Variants in UTRN observed in about 807,000 individuals in gnomAD.
UTRN encodes the protein dystrophin-related protein 1.
A neutral mutation model predicts 463.9 loss-of-function variants in UTRN; 283 were observed. That is an observed-to-expected ratio of 0.61 (90% CI 0.55 to 0.67). The LOEUF is 0.67. Ranked by LOEUF, UTRN falls within the 30% of genes least tolerant of loss-of-function variation. The probability of loss-of-function intolerance (pLI) is 0.00; values close to 1 mark genes in which losing one functional copy is unlikely to be tolerated. For missense variants in UTRN, 3,922 were observed against 4,084.3 expected (o/e 0.96, Z 1.08); for synonymous variants, 1,442 against 1,431.5 (o/e 1.01, Z -0.17).
At chr6:144,781,640 G>T (rs147829988) in intron 60 of UTRN, among the ~76,000 whole-genome samples, 2 of 152,202 alleles carry the variant, frequency 1.3e-5, no homozygotes, top group East Asian at 3.9e-4. Context: ...CAAAGGGAAA[G>T]CCAGAAAAAG....
At chr6:144,313,146 C>G (rs1406391524) in intron 2 of UTRN, among the ~76,000 whole-genome samples, 2 of 152,068 alleles carry the variant, frequency 1.3e-5, no homozygotes, top group African/African-American at 4.8e-5. Context: ...ATGTCAAGTT[C>G]TAGTCCAAGG....
At chr6:144,635,923 G>C (rs1359034326) in intron 51 of UTRN, among the ~76,000 whole-genome samples, 1 of 151,980 alleles carries the variant, frequency 6.6e-6, no homozygotes, top group Non-Finnish European at 1.5e-5. Flanking sequence ...CTTTGGCTGT[G>C]ACTTCTTAGA....
intron 51 of UTRN, among the ~76,000 whole-genome samples, chr6:144,676,133 G>A (rs1781565799): frequency 6.8e-6 from 1 of 147,634 alleles, no homozygotes; most frequent in African/African-American, 2.5e-5. Flanking sequence ...CAATTGTTTT[G>A]GATAAATCAG....
intron 2 of UTRN, among the ~76,000 whole-genome samples, chr6:144,385,182 G>A (rs1562324516): frequency 1.3e-5 from 2 of 152,114 alleles, no homozygotes; most frequent in Non-Finnish European, 1.5e-5. Context: ...GCAGAAAAAC[G>A]CTAGGTTTTG....
At chr6:144,593,428 G>T (rs1803322542) in intron 51 of UTRN, among the ~76,000 whole-genome samples, 2 of 152,138 alleles carry the variant, frequency 1.3e-5, no homozygotes, top group Non-Finnish European at 2.9e-5. Context: ...ATTGGCCTGT[G>T]ACCAATCATA....
intron 47 of UTRN, among the ~76,000 whole-genome samples, chr6:144,549,785 C>T (rs1798739528): frequency 1.3e-5 from 2 of 152,222 alleles, no homozygotes; most frequent in Admixed American, 6.5e-5. Flanking sequence ...GCACAAAGGA[C>T]AGTAGGGCCA....
chr6:144,440,553 C>G, intron 13 of UTRN, 82 bp downstream of exon 13: 2 of 1,563,832 alleles, frequency 1.3e-6, no homozygotes, highest in Non-Finnish European at 1.7e-6. Context: ...TCTTCATGTC[C>G]TTTCTCATTC....
chr6:144,577,237 G>A lies in UTRN; in HGVS notation c.7428G>A (p.Glu2476=), dbSNP rs1381665998. ...TGCTTGTGGATGCCTCTCATCGGGA[G>A]AATGCTCTTCAGGATAGTATCTTGG... ...VNVLVDASHR[E]NALQDSILAR... Residue 2476 remains glutamate (E), a synonymous_variant, in exon 51 of 75, where the codon GAG becomes GAA. Coordinates refer to ENST00000367545, the MANE Select transcript of UTRN (RefSeq NM_007124.3). 1.9e-6 allele frequency: 3 copies of A among 1,613,828 alleles called. No individual in the cohort carries two copies. The highest frequency in any genetic ancestry group is 2.7e-5 in the African/African-American group (2 of 74,908).
At chr6:144,559,818 A>G (rs1799704659) in intron 50 of UTRN, among the ~76,000 whole-genome samples, 1 of 152,138 alleles carries the variant, frequency 6.6e-6, no homozygotes, top group Non-Finnish European at 1.5e-5. Context: ...ACCATTTATT[A>G]CCTGTGTTGA....
chr6:144,291,133 A>T (rs1804208176), intron 1 of UTRN, among the ~76,000 whole-genome samples: 1 of 152,084 alleles, frequency 6.6e-6, no homozygotes, highest in Non-Finnish European at 1.5e-5. Flanking sequence ...CGAACCATCT[A>T]CTGGCTCCCC....
In UTRN at chr6:144,436,138, A is replaced by G. The variant is rs1461531406; in HGVS notation, c.1059A>G (p.Glu353=). 6.2e-7 allele frequency: 1 copy of G among 1,612,758 alleles called. No individual in the cohort carries two copies. Among genetic ancestry groups the G allele is most frequent in the Non-Finnish European group, 8.5e-7 (1 of 1,179,622 alleles). The change falls in exon 10 of 75, where the codon GAA becomes GAG. Residue 353 remains glutamate, a splice_region_variant and synonymous_variant. Coordinates refer to ENST00000367545, the MANE Select transcript of UTRN (RefSeq NM_007124.3). The stretch of plus-strand genomic sequence containing the variant: ...TCAAAGACCAGTTTGCAACCCATGA[A>G]GTAAATATCTGTAGTTTCTTAGCAG... ...EEVKDQFATH[E]AFMMELTAHQ...
chr6:144,481,275 A>G (rs908274029), intron 26 of UTRN, among the ~76,000 whole-genome samples: 1 of 152,156 alleles, frequency 6.6e-6, no homozygotes, highest in Non-Finnish European at 1.5e-5. Flanking sequence ...TTTTATTTGT[A>G]TTTATTGCCA....
chr6:144,707,703 C>G (rs765146153), intron 53 of UTRN, among the ~76,000 whole-genome samples: 3 of 152,192 alleles, frequency 2.0e-5, no homozygotes, highest in Non-Finnish European at 4.4e-5. Flanking sequence ...GCCCCACTTT[C>G]AGAGCTTCTG....
chr6:144,345,728 T>C (rs1223813049), intron 2 of UTRN, among the ~76,000 whole-genome samples: 1 of 152,102 alleles, frequency 6.6e-6, no homozygotes, highest in East Asian at 1.9e-4. Flanking sequence ...AGATTTCCTT[T>C]GATTGTCACT....
intron 2 of UTRN, among the ~76,000 whole-genome samples, chr6:144,310,051 T>C (rs1262349788): frequency 6.6e-6 from 1 of 152,250 alleles, no homozygotes; most frequent in Non-Finnish European, 1.5e-5. Flanking sequence ...TAGCACTTAC[T>C]GGATTATGCT....
At chr6:144,769,434 G>A (rs1220290693) in intron 58 of UTRN, among the ~76,000 whole-genome samples, 1 of 152,170 alleles carries the variant, frequency 6.6e-6, no homozygotes, top group Non-Finnish European at 1.5e-5. Flanking sequence ...AATTCACAAA[G>A]GGAGATGCCC....
chr6:144,546,137 G>T (rs1798382854), intron 46 of UTRN, among the ~76,000 whole-genome samples: 1 of 152,178 alleles, frequency 6.6e-6, no homozygotes, highest in South Asian at 2.1e-4. Flanking sequence ...GGGGCAGAAG[G>T]ATGTGTGAGA....
chr6:144,451,061 G>T (rs185010548), intron 17 of UTRN, among the ~76,000 whole-genome samples: 1 of 152,148 alleles, frequency 6.6e-6, no homozygotes, highest in Non-Finnish European at 1.5e-5. Flanking sequence ...GCAGTGAGCC[G>T]AGATCGTGCC....
chr6:144,758,800 G>A (rs2128726666), intron 58 of UTRN, among the ~76,000 whole-genome samples: 1 of 152,150 alleles, frequency 6.6e-6, no homozygotes, highest in Admixed American at 6.6e-5. Context: ...CCTATTTTAT[G>A]TGTCAGACGA....
Sources: allele counts gnomAD v4.1 joint callset (sites outside exome capture counted in the v4.1 genomes callset), GRCh38; gene constraint gnomAD v4.1.1; transcripts MANE v1.5; gene names NCBI Gene and HGNC (gene_info 2026-07-23, HGNC 2026-07-21).